TMEM72: variants seen among roughly 807,000 people sequenced by gnomAD.
TMEM72 encodes transmembrane protein 72.
In TMEM72, 9 loss-of-function variants were observed where a neutral mutation model predicts 16.3. The ratio of observed to expected loss-of-function variants is 0.55; its 90% CI spans 0.33 to 0.96. The LOEUF (loss-of-function observed/expected upper bound fraction) is 0.96. TMEM72 is among the 40% of genes least tolerant of loss of function. The probability of loss-of-function intolerance (pLI) is 0.03; values close to 1 mark genes in which losing one functional copy is unlikely to be tolerated. For missense variants in TMEM72, 324 were observed against 337.8 expected, an observed-to-expected ratio of 0.96 and a Z score of 0.32; for synonymous variants, 160 against 146.5, an observed-to-expected ratio of 1.09 and a Z score of -0.66.
chr10:44,924,968 A>G (rs10793569), intron 1 of TMEM72, among the ~76,000 whole-genome samples: 113,469 of 152,092 alleles, frequency 0.75, 42,815 homozygotes, highest in Middle Eastern at 0.82. Context: ...GGAAGGAGTC[A>G]CCTCTTTGCA....
intron 1 of TMEM72, among the ~76,000 whole-genome samples, chr10:44,915,677 C>T (rs1460168164): frequency 6.6e-6 from 1 of 152,132 alleles, no homozygotes; most frequent in Non-Finnish European, 1.5e-5. Context: ...TTGGTCAGTT[C>T]TGATCAGTCA....
At chr10:44,931,614 T>C (rs1371056322) in intron 2 of TMEM72, among the ~76,000 whole-genome samples, 2 of 152,038 alleles carry the variant, frequency 1.3e-5, no homozygotes, top group African/African-American at 4.8e-5. Context: ...ATTTGGATAA[T>C]AGGAAAAGGA....
intron 1 of TMEM72, among the ~76,000 whole-genome samples, chr10:44,913,968 G>A (rs1839976565): frequency 6.6e-6 from 1 of 152,188 alleles, no homozygotes; most frequent in South Asian, 2.1e-4. Context: ...CACTCAGAGT[G>A]TCACCTGCAG....
intron 1 of TMEM72, among the ~76,000 whole-genome samples, chr10:44,913,877 A>G (rs1668425634): frequency 6.6e-6 from 1 of 152,202 alleles, no homozygotes; most frequent in Admixed American, 6.5e-5. Context: ...GACCGGAAAT[A>G]GAGGGCCTCA....
intron 1 of TMEM72, among the ~76,000 whole-genome samples, chr10:44,915,428 T>C (rs1839999645): frequency 6.6e-6 from 1 of 152,146 alleles, no homozygotes; most frequent in African/African-American, 2.4e-5. Flanking sequence ...CGAGGCCTGA[T>C]GGAGCGAAGC....
At chr10:44,913,492 G>A (rs559024162) in intron 1 of TMEM72, among the ~76,000 whole-genome samples, 9 of 152,198 alleles carry the variant, frequency 5.9e-5, no homozygotes, top group African/African-American at 2.2e-4. Flanking sequence ...CCGTGCGCGC[G>A]CACATAGGGC....
chr10:44,927,866 C>A, intron 1 of TMEM72, 55 bp from the exon 2 acceptor site: 1 of 1,553,826 alleles, frequency 6.4e-7, no homozygotes, highest in Non-Finnish European at 8.8e-7. Context: ...CTCAACAGGG[C>A]AGTGCTGTGG....
In TMEM72 at chr10:44,934,586, G is replaced by A. The variant is rs185177632; in HGVS notation, c.350-70G>A. 1.8e-4 allele frequency: 259 copies of A among 1,442,352 alleles called. No individual in the cohort carries two copies. In the African/African-American group the frequency reaches 3.3e-3, roughly 18 times the overall value. 89.3% of individuals were successfully genotyped at this position (1,442,352 alleles called of 1,614,324 possible). On this transcript the variant is annotated intron_variant, in intron 4 of 4. Transcript: ENST00000389583. ...CCGGGTTGCAGGAGCTCTGCTGCAC[G>A]ACATGCTTGCAAGGACTCCGGATTT...
At chr10:44,934,042 C>A (rs950926579) in intron 4 of TMEM72, among the ~76,000 whole-genome samples, 1 of 152,192 alleles carries the variant, frequency 6.6e-6, no homozygotes, top group Admixed American at 6.5e-5. Context: ...CCTCACCTTT[C>A]CTCCCACTGA....
intron 3 of TMEM72, among the ~76,000 whole-genome samples, chr10:44,932,996 C>T (rs1165620803): frequency 3.3e-5 from 5 of 152,208 alleles, no homozygotes; most frequent in African/African-American, 1.2e-4. Context: ...GTGTAGAGCC[C>T]CAGCTCTAGG....
rs189967937 is a variant in TMEM72 at position 44,913,730 on chromosome 10, A to G, written c.70+2148A>G. ...GGGCAAATCTCGAGTTTCTTCCAGC[A>G]TCACTGAACTCCTGGCCTATTTCCA... On this transcript the variant is annotated intron_variant, in intron 1 of 4. Coordinates refer to ENST00000389583, the MANE Select transcript of TMEM72 (RefSeq NM_001123376.3). Among the ~76,000 whole-genome samples, 669 of 152,358 alleles carry G rather than the reference A, an allele frequency of 4.4e-3. 6 individuals carry two copies. Among genetic ancestry groups the G allele is most frequent in the Middle Eastern group, 0.02 (6 of 294 alleles).
chr10:44,928,186 C>T (rs775159431), intron 2 of TMEM72, among the ~76,000 whole-genome samples, 199 bp downstream of exon 2: 2 of 152,100 alleles, frequency 1.3e-5, no homozygotes, highest in Non-Finnish European at 2.9e-5. Context: ...ATTATCCTTT[C>T]TACCCACCCA....
rs1840301658 is a variant in TMEM72, at chr10:44,931,815, G to A, written c.138-183G>A. 6 of 632,428 alleles carry A rather than the reference G, an allele frequency of 9.5e-6. No individual in the cohort carries two copies. The South Asian group carries it at 1.2e-4, about 13-fold the overall frequency. 39.2% of individuals were successfully genotyped at this position (632,428 alleles called of 1,614,324 possible). On this transcript the variant is annotated intron_variant, in intron 2 of 4. Transcript: ENST00000389583. The stretch of plus-strand genomic sequence containing the variant: ...GAACCCCAGACCCCACCTCTCCCCA[G>A]CATGGCCCAGTCCGGAACACGCCAT...
At chr10:44,928,583 C>T (rs886668306) in intron 2 of TMEM72, among the ~76,000 whole-genome samples, 4 of 151,656 alleles carry the variant, frequency 2.6e-5, no homozygotes, top group African/African-American at 7.3e-5. Flanking sequence ...GCCAGCCACT[C>T]ATCTATCCAT....
chr10:44,911,846 C>T (rs781706763), intron 1 of TMEM72, among the ~76,000 whole-genome samples: 2 of 152,188 alleles, frequency 1.3e-5, no homozygotes, highest in Non-Finnish European at 2.9e-5. Context: ...GCCTCAAGAT[C>T]CTCATCTGCA....
chr10:44,918,276 G>A (rs1483244809), intron 1 of TMEM72, among the ~76,000 whole-genome samples: 3 of 152,104 alleles, frequency 2.0e-5, no homozygotes, highest in Admixed American at 1.3e-4. Context: ...ACTTACAAGG[G>A]AGATGCTATT....
intron 1 of TMEM72, among the ~76,000 whole-genome samples, chr10:44,916,171 T>TGGGG (rs1840011762): frequency 6.6e-6 from 1 of 152,164 alleles, no homozygotes; most frequent in Admixed American, 6.5e-5. Context: ...GCAAAGGGCA[T>TGGGG]GGCAGAGCCA....
chr10:44,914,073 G>A (rs1001707892), intron 1 of TMEM72, among the ~76,000 whole-genome samples: 1 of 152,176 alleles, frequency 6.6e-6, no homozygotes, highest in Non-Finnish European at 1.5e-5. Context: ...AAGCACTGAC[G>A]GCACCTGGTG....
Position 44,927,504 on chromosome 10 carries a change from C to A in TMEM72, c.71-417C>A, listed in dbSNP as rs80347962. Among the ~76,000 whole-genome samples, 895 of 152,326 alleles carry A rather than the reference C, an allele frequency of 5.9e-3. 24 individuals are homozygous for A. In the East Asian group the frequency reaches 0.08, roughly 14 times the overall value. ...AAGACCAAGGCCACACAACAGCAACCAGTGACCCAAGCAAGAGAACAGGGC... is the reference window on the plus strand; with the variant it reads ...AAGACCAAGGCCACACAACAGCAACAAGTGACCCAAGCAAGAGAACAGGGC... On this transcript the variant is annotated intron_variant, in intron 1 of 4. Coordinates refer to ENST00000389583, the MANE Select transcript of TMEM72 (RefSeq NM_001123376.3).
Sources: gnomAD v4.1 joint callset for allele counts (sites outside exome capture counted in the v4.1 genomes callset) on GRCh38, gnomAD v4.1.1 for gene constraint, MANE v1.5 for transcripts, NCBI Gene and HGNC (gene_info 2026-07-23, HGNC 2026-07-21) for gene names.